Variants in USP34 observed in about 807,000 individuals in gnomAD.
USP34 encodes ubiquitin carboxyl-terminal hydrolase 34.
In USP34, 70 loss-of-function variants were observed where a neutral mutation model predicts 460.3. The ratio of observed to expected loss-of-function variants is 0.15; its 90% confidence interval spans 0.13 to 0.19. The LOEUF is 0.19. USP34 is among the 10% of genes least tolerant of loss of function. The pLI is 1.00. For missense variants in USP34, 3,985 were observed against 4,236.2 expected (o/e 0.94, Z 1.65); for synonymous variants, 1,647 against 1,405.3 (o/e 1.17, Z -3.85).
chr2:61,343,269 TA>T lies in USP34; in HGVS notation c.2500+545del, dbSNP rs549143256. 1.5e-4 allele frequency among the ~76,000 whole-genome samples: 23 copies of T among 152,334 alleles called. No individual in the cohort carries two copies. The South Asian group carries it at 4.8e-3, about 32-fold the overall frequency. ...TACTCATTAATTCCCTACTACTCTT[TA>T]CCTTCCTCCATCCTCCATTCTTTCA... On this transcript the variant is annotated intron_variant, in intron 16 of 79. Coordinates refer to ENST00000398571, the MANE Select transcript of USP34 (RefSeq NM_014709.4).
chr2:61,203,033 C>A lies in USP34; in HGVS notation c.9508+107G>T, dbSNP rs1687019631. On this transcript the variant is annotated intron_variant, in intron 75 of 79. Transcript: ENST00000398571. ...GAATATTAATATTTTTAAGCATTCACTTTAAAAAAAGAAAAAAAGGATTGT... is the reference window on the plus strand; with the variant it reads ...GAATATTAATATTTTTAAGCATTCAATTTAAAAAAAGAAAAAAAGGATTGT... 2 of 1,234,898 alleles carry A rather than the reference C, an allele frequency of 1.6e-6. 1 individual carries two copies. The highest frequency in any genetic ancestry group is 2.2e-6 in the Non-Finnish European group (2 of 919,450). The allele number at this position is 1,234,898 out of a possible 1,614,324, so 76.5% of individuals were successfully genotyped here.
chr2:61,453,706 T>C (rs1443923910), intron 1 of USP34, among the ~76,000 whole-genome samples: 1 of 128,792 alleles, frequency 7.8e-6, no homozygotes, highest in East Asian at 2.1e-4. Context: ...CAGAGTGACA[T>C]TCCATCTCAA....
rs1360608840 is a variant in USP34, at chr2:61,372,038, T to C, written c.1077-1459A>G. ...AATGTATCCCTGTCATTAAGTACCATATGACTATATTATAAAATGGGTGGA... is the reference window on the plus strand; with the variant it reads ...AATGTATCCCTGTCATTAAGTACCACATGACTATATTATAAAATGGGTGGA... On this transcript the variant is annotated intron_variant, in intron 8 of 79. Coordinates refer to ENST00000398571, the MANE Select transcript of USP34 (RefSeq NM_014709.4). Among the ~76,000 whole-genome samples, 4 of 152,144 alleles carry C rather than the reference T, an allele frequency of 2.6e-5. No individual in the cohort carries two copies. In the South Asian group the frequency reaches 6.2e-4, roughly 24 times the overall value.
intron 41 of USP34, among the ~76,000 whole-genome samples, chr2:61,270,950 A>G (rs1171877324): frequency 2.0e-5 from 3 of 152,136 alleles, no homozygotes; most frequent in Admixed American, 2.0e-4. Context: ...CCTATGAGTT[A>G]AATGTTTCCC....
At chr2:61,325,622 A>C (rs1022593998) in intron 20 of USP34, among the ~76,000 whole-genome samples, 165 bp from the exon 21 acceptor site, 24 of 152,234 alleles carry the variant, frequency 1.6e-4, no homozygotes, top group African/African-American at 5.8e-4. Flanking sequence ...AAGGCAAAAC[A>C]AAAAAATTTA....
chr2:61,377,230 G>C (rs771211256), intron 8 of USP34, among the ~76,000 whole-genome samples: 1 of 152,118 alleles, frequency 6.6e-6, no homozygotes, highest in Non-Finnish European at 1.5e-5. Flanking sequence ...TGAAGACCTA[G>C]GTTCAACTGG....
chr2:61,397,642 T>TGTAA (rs1693576905), intron 3 of USP34, among the ~76,000 whole-genome samples: 1 of 152,142 alleles, frequency 6.6e-6, no homozygotes, highest in Non-Finnish European at 1.5e-5. Flanking sequence ...GGCTCACGCC[T>TGTAA]GTAATCCCAG....
intron 5 of USP34, among the ~76,000 whole-genome samples, chr2:61,394,410 A>C (rs1485557238): frequency 6.6e-6 from 1 of 151,928 alleles, no homozygotes; most frequent in African/African-American, 2.4e-5. Context: ...AAGTACAAAA[A>C]TTCAGCCAGG....
chr2:61,304,293 T>C (rs937626440), intron 27 of USP34, among the ~76,000 whole-genome samples: 4 of 152,242 alleles, frequency 2.6e-5, no homozygotes, highest in African/African-American at 9.6e-5. Flanking sequence ...TCATGATTAA[T>C]TGCTACTCTA....
At chr2:61,204,637 T>TA in intron 72 of USP34, 36 bp from the exon 73 acceptor site, 2 of 1,522,366 alleles carry the variant, frequency 1.3e-6, no homozygotes, top group East Asian at 2.3e-5. Context: ...AGCAAAAAAT[T>TA]AAGAGTTATA....
chr2:61,220,153 A>T (rs1295788518), intron 67 of USP34, 157 bp downstream of exon 67: 8 of 16,534 alleles, frequency 4.8e-4, no homozygotes, highest in Admixed American at 1.3e-3. Flanking sequence ...TCCTATCCTA[A>T]AAAAAAAAAA....
intron 5 of USP34, among the ~76,000 whole-genome samples, chr2:61,392,622 T>C (rs1693385468): frequency 6.6e-6 from 1 of 151,890 alleles, no homozygotes; most frequent in Admixed American, 6.6e-5. Flanking sequence ...AGACTCTGTC[T>C]CAAAAAAACG....
intron 7 of USP34, among the ~76,000 whole-genome samples, chr2:61,378,888 G>A (rs1692876863): frequency 8.9e-6 from 1 of 112,752 alleles, no homozygotes; most frequent in African/African-American, 3.3e-5. Flanking sequence ...CTGGGCGACA[G>A]AGTGAGAGTC....
At chr2:61,199,899 T>C (rs552699352) in intron 75 of USP34, 3 of 152,494 alleles carry the variant, frequency 2.0e-5, no homozygotes, top group African/African-American at 4.8e-5. Context: ...TATCTTGATA[T>C]TTATCTTTCT....
chr2:61,439,490 T>C (rs1444449695), intron 1 of USP34, among the ~76,000 whole-genome samples: 1 of 152,160 alleles, frequency 6.6e-6, no homozygotes, highest in Non-Finnish European at 1.5e-5. Flanking sequence ...GAAGGGGCCG[T>C]TTCCATTTCT....
intron 62 of USP34, among the ~76,000 whole-genome samples, chr2:61,225,841 T>G (rs1296924373): frequency 2.0e-5 from 3 of 152,242 alleles, no homozygotes; most frequent in Non-Finnish European, 4.4e-5. Flanking sequence ...GCCAATAGTA[T>G]TAAAACTCAT....
intron 43 of USP34, among the ~76,000 whole-genome samples, chr2:61,264,132 G>C (rs1688978925): frequency 1.3e-5 from 2 of 152,104 alleles, no homozygotes; most frequent in Admixed American, 6.6e-5. Context: ...ATTTCCATAA[G>C]CTAAATGAAC....
chr2:61,356,754 G>C (rs2103801802), intron 10 of USP34, among the ~76,000 whole-genome samples: 1 of 152,270 alleles, frequency 6.6e-6, no homozygotes, highest in East Asian at 1.9e-4. Flanking sequence ...TGGGTACAGA[G>C]TTTCAGTTTT....
intron 27 of USP34, among the ~76,000 whole-genome samples, chr2:61,304,480 T>C (rs1342737244): frequency 1.3e-5 from 2 of 152,228 alleles, no homozygotes; most frequent in Non-Finnish European, 2.9e-5. Flanking sequence ...ACCAAGGTGA[T>C]GATATTTGGA....
Sources: allele counts gnomAD v4.1 joint callset (sites outside exome capture counted in the v4.1 genomes callset), GRCh38; gene constraint gnomAD v4.1.1; transcripts MANE v1.5; gene names NCBI Gene and HGNC (gene_info 2026-07-23, HGNC 2026-07-21).